Variants in GALNT10 observed in about 807,000 individuals in gnomAD.
GALNT10 encodes the protein GalNAc transferase 10.
Under a neutral mutation model 75.0 loss-of-function variants are expected in GALNT10, and 41 were observed. That is an observed-to-expected ratio of 0.55 (90% CI 0.43 to 0.71). The LOEUF (loss-of-function observed/expected upper bound fraction) is 0.71. Among genes scored for constraint, GALNT10 ranks in the 30% least tolerant of loss-of-function variants. The probability of loss-of-function intolerance (pLI) is 0.00; values close to 1 mark genes in which losing one functional copy is unlikely to be tolerated. For missense variants in GALNT10, 727 were observed against 818.5 expected, an observed-to-expected ratio of 0.89 and a Z score of 1.36; for synonymous variants, 302 against 313.0, an observed-to-expected ratio of 0.96 and a Z score of 0.37.
At chr5:154,272,717 A>T (rs1753885433) in intron 1 of GALNT10, among the ~76,000 whole-genome samples, 1 of 152,214 alleles carries the variant, frequency 6.6e-6, no homozygotes, top group Non-Finnish European at 1.5e-5. Context: ...GCCACCCTCT[A>T]GGCTTGTGGT....
At chr5:154,221,225 G>A (rs990549678) in intron 1 of GALNT10, among the ~76,000 whole-genome samples, 8 of 152,212 alleles carry the variant, frequency 5.3e-5, no homozygotes, top group African/African-American at 1.7e-4. Flanking sequence ...ATCAGGGTAC[G>A]TGGGTGAATA....
At position 154,415,818 on chromosome 5, in the gene GALNT10, T is replaced by C; in HGVS notation, c.1539T>C (p.Pro513=). The C allele has an allele frequency of 6.2e-7, 1 of 1,614,152 alleles. No individual in the cohort carries two copies. Among genetic ancestry groups the C allele is most frequent in the East Asian group, 2.2e-5 (1 of 44,880 alleles). Reference sequence around the variant, plus strand: ...TCACCTGGAGAGAGGACATCCGGCCTGGAGACCCCCAGCACACCAAGAAGT... The same window carrying C: ...TCACCTGGAGAGAGGACATCCGGCCCGGAGACCCCCAGCACACCAAGAAGT... ...FTFTWREDIR[P]GDPQHTKKFC... Residue 513 remains proline, a synonymous_variant, in exon 11 of 12, where the codon CCT becomes CCC. Coordinates refer to ENST00000297107, the MANE Select transcript of GALNT10 (RefSeq NM_198321.4).
At chr5:154,273,528 T>C (rs1753902528) in intron 1 of GALNT10, among the ~76,000 whole-genome samples, 1 of 152,130 alleles carries the variant, frequency 6.6e-6, no homozygotes, top group Admixed American at 6.5e-5. Context: ...TAATGTCCAG[T>C]AAATAGCCCT....
intron 3 of GALNT10, among the ~76,000 whole-genome samples, chr5:154,301,362 G>A (rs1754354346): frequency 6.6e-6 from 1 of 151,828 alleles, no homozygotes; most frequent in Non-Finnish European, 1.5e-5. Flanking sequence ...AACTACCACT[G>A]ATCTTTTTTT....
chr5:154,232,419 C>CT (rs2113663289), intron 1 of GALNT10, among the ~76,000 whole-genome samples: 1 of 152,322 alleles, frequency 6.6e-6, no homozygotes, highest in South Asian at 2.1e-4. Flanking sequence ...TGCCAGGCAT[C>CT]TTTCTGTGTA....
chr5:154,247,500 G>T (rs1045503732), intron 1 of GALNT10, among the ~76,000 whole-genome samples: 1 of 152,152 alleles, frequency 6.6e-6, no homozygotes, highest in African/African-American at 2.4e-5. Context: ...GCAGTCGTTT[G>T]TAGTTGTCCT....
At chr5:154,383,812 TTATTTTC>T (rs1301320672) in intron 6 of GALNT10, among the ~76,000 whole-genome samples, 1 of 152,236 alleles carries the variant, frequency 6.6e-6, no homozygotes, top group African/African-American at 2.4e-5. Context: ...TAATAACACC[TTATTTTC>T]TTATAGTACT....
chr5:154,350,755 G>A lies in GALNT10; in HGVS notation c.568+21017G>A, dbSNP rs770093980. Among the ~76,000 whole-genome samples the A allele has an allele frequency of 4.0e-4, 61 of 152,156 alleles. 1 individual carries two copies. Among genetic ancestry groups the A allele is most frequent in the Admixed American group, 6.5e-5 (1 of 15,274 alleles). On this transcript the variant is annotated intron_variant, in intron 4 of 11. Transcript: ENST00000297107. ...GCTTCTTGTGAGCCTGTGCAAGCTC[G>A]CTCCCGCACACCGCTAGCAAATAGT... is the stretch of plus-strand genomic sequence containing the variant.
chr5:154,200,237 T>C (rs1015500915), intron 1 of GALNT10, among the ~76,000 whole-genome samples: 2 of 152,182 alleles, frequency 1.3e-5, no homozygotes, highest in Non-Finnish European at 2.9e-5. Context: ...TTATAGCAAG[T>C]CCCATGTGCC....
At chr5:154,322,603 C>T (rs190236755) in intron 3 of GALNT10, among the ~76,000 whole-genome samples, 222 of 152,290 alleles carry the variant, frequency 1.5e-3, no homozygotes, top group African/African-American at 4.8e-3. Flanking sequence ...CTCTGCTTAC[C>T]ATGCCTGGTT....
intron 4 of GALNT10, among the ~76,000 whole-genome samples, chr5:154,334,202 A>T (rs7732085): frequency 1.3e-5 from 2 of 152,114 alleles, no homozygotes; most frequent in Non-Finnish European, 2.9e-5. Flanking sequence ...TCGAGACCTC[A>T]GGTAGGAGAC....
chr5:154,369,154 GA>G (rs1755524152), intron 4 of GALNT10, among the ~76,000 whole-genome samples: 1 of 152,166 alleles, frequency 6.6e-6, no homozygotes, highest in Non-Finnish European at 1.5e-5. Context: ...TTGGGAGGCC[GA>G]AGTGGGTGGA....
intron 5 of GALNT10, among the ~76,000 whole-genome samples, chr5:154,379,171 C>T (rs1755699171): frequency 6.6e-6 from 1 of 152,206 alleles, no homozygotes; most frequent in Non-Finnish European, 1.5e-5. Context: ...TAAGAACTAC[C>T]TTGGGCATCT....
intron 4 of GALNT10, among the ~76,000 whole-genome samples, chr5:154,369,806 T>C (rs548535351): frequency 6.6e-6 from 1 of 152,358 alleles, no homozygotes; most frequent in African/African-American, 2.4e-5. Flanking sequence ...GAACCAATGC[T>C]GGTGATGCTG....
At chr5:154,299,316 G>C (rs913570002) in intron 3 of GALNT10, among the ~76,000 whole-genome samples, 1 of 152,178 alleles carries the variant, frequency 6.6e-6, no homozygotes, top group Non-Finnish European at 1.5e-5. Context: ...TTGCATTTGA[G>C]AACCACTGTT....
At chr5:154,343,580 C>T (rs1044372418) in intron 4 of GALNT10, among the ~76,000 whole-genome samples, 1 of 152,196 alleles carries the variant, frequency 6.6e-6, no homozygotes, top group Admixed American at 6.5e-5. Context: ...TCTAAATTCA[C>T]TAGGCATGGA....
chr5:154,400,728 T>A (rs765967902), intron 7 of GALNT10, among the ~76,000 whole-genome samples: 8 of 152,130 alleles, frequency 5.3e-5, no homozygotes, highest in Non-Finnish European at 7.4e-5. Context: ...GAGGTGGCTC[T>A]TAAGGGGACC....
intron 3 of GALNT10, among the ~76,000 whole-genome samples, chr5:154,313,963 T>C (rs984526339): frequency 2.0e-5 from 3 of 152,208 alleles, no homozygotes; most frequent in Admixed American, 1.3e-4. Context: ...CCAAGACGAC[T>C]GGACATAGTC....
intron 4 of GALNT10, among the ~76,000 whole-genome samples, chr5:154,368,754 T>C (rs1479042572): frequency 6.6e-6 from 1 of 152,228 alleles, no homozygotes; most frequent in Non-Finnish European, 1.5e-5. Context: ...CGTCCTGATA[T>C]AAACATAGCT....
Sources: allele counts gnomAD v4.1 joint callset (sites outside exome capture counted in the v4.1 genomes callset), GRCh38; gene constraint gnomAD v4.1.1; transcripts MANE v1.5; gene names NCBI Gene and HGNC (gene_info 2026-07-23, HGNC 2026-07-21).